Variants in ZNF66 observed in about 807,000 individuals in gnomAD.
ZNF66 encodes the protein zinc finger protein 66.
A neutral mutation model predicts 35.2 loss-of-function variants in ZNF66; 32 were observed. The observed-to-expected ratio is 0.91, with a 90% CI of 0.69 to 1.22. The LOEUF (loss-of-function observed/expected upper bound fraction) is 1.22, where lower values mean the gene tolerates loss of function less well. Among genes scored for constraint, ZNF66 ranks in the 50% most tolerant of loss-of-function variants. ZNF66 has a pLI of 0.00. For synonymous variants in ZNF66, 231 were observed against 181.3 expected, an observed-to-expected ratio of 1.27 and a Z score of -2.20; for missense variants, 666 against 543.1, an observed-to-expected ratio of 1.23 and a Z score of -2.25.
Position 20,806,834 on chromosome 19 carries a change from CT to C in ZNF66, c.1237del (p.Ser413LeufsTer33). 7.5e-7 allele frequency: 1 copy of C among 1,337,204 alleles called. No homozygotes were observed. Among genetic ancestry groups the C allele is most frequent in the Non-Finnish European group, 1.1e-6 (1 of 930,582 alleles). The allele number at this position is 1,337,204 out of a possible 1,614,324, so 82.8% of individuals were successfully genotyped here. A position where few individuals can be genotyped will look rare whatever the true frequency, so the allele number is the denominator to read the frequency against. ...CGKVFKHSSP[L>X]SKHKRIHTGE... ...CAAAGTGTTTAAGCACTCCTCTCCC[CT>C]TTCTAAACATAAGAGAATTCATACT... On this transcript the variant is annotated frameshift_variant, in exon 4 of 4. Coordinates refer to ENST00000344519, the MANE Select transcript of ZNF66 (RefSeq NM_001355197.2). LOFTEE classifies it high-confidence loss of function.
chr19:20,785,723 G>A (rs1971280968), intron 1 of ZNF66, among the ~76,000 whole-genome samples: 1 of 151,856 alleles, frequency 6.6e-6, no homozygotes, highest in Non-Finnish European at 1.5e-5. Context: ...GCTTCTCTGG[G>A]GCTGGAGAAA....
intron 3 of ZNF66, among the ~76,000 whole-genome samples, chr19:20,800,623 A>T (rs968665172): frequency 6.6e-6 from 1 of 152,194 alleles, no homozygotes; most frequent in African/African-American, 2.4e-5. Context: ...TCATTAAAAG[A>T]ACATGGCTTC....
At chr19:20,799,333 A>ATTACAGGCT (rs1321165167) in intron 3 of ZNF66, 3 of 151,942 alleles carry the variant, frequency 2.0e-5, no homozygotes, top group Non-Finnish European at 4.4e-5. Context: ...AAGTGCTAGG[A>ATTACAGGCT]TTACAGGCTT....
intron 1 of ZNF66, among the ~76,000 whole-genome samples, chr19:20,784,108 T>C (rs1177366087): frequency 6.6e-6 from 1 of 152,180 alleles, no homozygotes; most frequent in Non-Finnish European, 1.5e-5. Flanking sequence ...TCTACCCATC[T>C]CAGCCTCAAG....
chr19:20,788,781 G>A (rs1447254408), intron 1 of ZNF66, among the ~76,000 whole-genome samples: 3 of 152,090 alleles, frequency 2.0e-5, no homozygotes, highest in Admixed American at 6.6e-5. Flanking sequence ...GGCTGGGCAT[G>A]GTTGTTCATG....
At chr19:20,794,129 T>G in intron 3 of ZNF66, 1 of 561,454 alleles carries the variant, frequency 1.8e-6, no homozygotes, top group Non-Finnish European at 3.2e-6. Context: ...ACATTCACAG[T>G]GAGAGCCAAA....
chr19:20,785,135 C>G (rs1971276054), intron 1 of ZNF66: 1 of 152,236 alleles, frequency 6.6e-6, no homozygotes, highest in South Asian at 2.1e-4. Context: ...GCAGGCTCTC[C>G]TCCTGCAGCT....
In ZNF66 at chr19:20,809,769, G is replaced by A. The variant is rs531049748; in HGVS notation, c.*2447G>A. 6.6e-6 allele frequency among the ~76,000 whole-genome samples: 1 copy of A among 151,800 alleles called. No individual in the cohort carries two copies. The highest frequency in any genetic ancestry group is 2.4e-5 in the African/African-American group (1 of 41,338). On this transcript the variant is annotated 3_prime_UTR_variant, in exon 4 of 4. Transcript: ENST00000344519. ...CATCGAGACTAGGAAGAAACTGCAT[G>A]AACTAACGAGCAAAATAACCAGCTA...
intron 1 of ZNF66, among the ~76,000 whole-genome samples, chr19:20,778,432 AATAC>A (rs1396847591): frequency 6.6e-6 from 1 of 152,226 alleles, no homozygotes; most frequent in East Asian, 1.9e-4. Flanking sequence ...ATAATAAAAT[AATAC>A]ATACATTGTC....
rs536404306 is a variant in ZNF66 at position 20,792,517 on chromosome 19, A to G, written c.9A>G (p.Pro3=). The change falls in exon 2 of 4, where the codon CCA becomes CCG. Residue 3 remains proline (P), a synonymous_variant. Transcript: ENST00000344519. MG[P]LQFRDVAIEF... ...TGTGTGTGTATATTTTTCAGGGGCC[A>G]TTGCAATTTAGAGATGTGGCCATAG... is the stretch of plus-strand genomic sequence containing the variant. 64 of 1,525,974 alleles carry G rather than the reference A, an allele frequency of 4.2e-5. No homozygotes were observed. Among genetic ancestry groups the G allele is most frequent in the Middle Eastern group, 1.7e-4 (1 of 5,832 alleles). The allele number at this position is 1,525,974 out of a possible 1,614,324, so 94.5% of individuals were successfully genotyped here.
At chr19:20,783,817 G>A (rs1453540923) in intron 1 of ZNF66, among the ~76,000 whole-genome samples, 1 of 152,148 alleles carries the variant, frequency 6.6e-6, no homozygotes. Flanking sequence ...GCATAGTTAT[G>A]TTTAGTGTTT....
chr19:20,802,450 C>T lies in ZNF66; in HGVS notation c.227-3377C>T, dbSNP rs761550777. ...CACAGCCCAGTTTTCTGAACAAGTG[C>T]ATGCTCAAGAGTGTGTTTTCTCATT... On this transcript the variant is annotated intron_variant, in intron 3 of 3. Transcript: ENST00000344519. 3.3e-5 allele frequency among the ~76,000 whole-genome samples: 5 copies of T among 152,298 alleles called. No homozygotes were observed. In the South Asian group the frequency reaches 6.2e-4, roughly 19 times the overall value.
Position 20,807,683 on chromosome 19 carries a change from C to T in ZNF66, c.*361C>T, listed in dbSNP as rs1357414044. Among the ~76,000 whole-genome samples the T allele has an allele frequency of 1.3e-5, 2 of 151,856 alleles. No homozygotes were observed. The highest frequency in any genetic ancestry group is 2.9e-5 in the Non-Finnish European group (2 of 67,994). ...GAAACCTCTGCCTCCCGGGTTCAAG[C>T]CATTTTCCTGCCTCAGCTTGTCTAG... On this transcript the variant is annotated 3_prime_UTR_variant, in exon 4 of 4. Coordinates refer to ENST00000344519, the MANE Select transcript of ZNF66 (RefSeq NM_001355197.2).
intron 1 of ZNF66, among the ~76,000 whole-genome samples, chr19:20,785,360 C>T (rs1484211325): frequency 6.6e-6 from 1 of 152,212 alleles, no homozygotes; most frequent in Non-Finnish European, 1.5e-5. Context: ...AGAGAGAATC[C>T]TATTCAACCA....
At position 20,806,347 on chromosome 19, in the gene ZNF66, A is replaced by T; in HGVS notation, c.747A>T (p.Lys249Asn). The change falls in exon 4 of 4, where the codon AAA becomes AAT. Residue 249 changes from lysine to asparagine, a missense_variant. Lys to Asn is a moderately conservative substitution (Grantham distance 94). Transcript: ENST00000344519. ...NRSSNLTTHK[K>N]IHTGEKPYKC... The stretch of plus-strand genomic sequence containing the variant: ...CCTCTAACCTTACTACACATAAGAA[A>T]ATTCATACTGGAGAGAAACCCTACA... 1 of 1,560,668 alleles carries T rather than the reference A, an allele frequency of 6.4e-7. No homozygotes were observed. Among genetic ancestry groups the T allele is most frequent in the East Asian group, 2.2e-5 (1 of 44,602 alleles).
intron 1 of ZNF66, among the ~76,000 whole-genome samples, chr19:20,776,821 A>G (rs1172794559): frequency 6.6e-6 from 1 of 152,072 alleles, no homozygotes; most frequent in Non-Finnish European, 1.5e-5. Flanking sequence ...TTCTGCTATT[A>G]AAATTGTATG....
chr19:20,780,854 C>T (rs1971239134), intron 1 of ZNF66, among the ~76,000 whole-genome samples: 1 of 152,080 alleles, frequency 6.6e-6, no homozygotes, highest in Non-Finnish European at 1.5e-5. Context: ...TGATTACAGA[C>T]CCCCTTTTCC....
chr19:20,789,762 C>G (rs1971319302), intron 1 of ZNF66, among the ~76,000 whole-genome samples: 1 of 152,210 alleles, frequency 6.6e-6, no homozygotes, highest in East Asian at 1.9e-4. Context: ...CCCTTAGTAC[C>G]AGCTCCCAGG....
At chr19:20,781,131 C>T (rs945413738) in intron 1 of ZNF66, among the ~76,000 whole-genome samples, 6 of 152,186 alleles carry the variant, frequency 3.9e-5, no homozygotes, top group African/African-American at 1.4e-4. Flanking sequence ...TGCCTGCACA[C>T]AGTAATAAAT....
Sources: gnomAD v4.1 joint callset for allele counts (sites outside exome capture counted in the v4.1 genomes callset) on GRCh38, gnomAD v4.1.1 for gene constraint, MANE v1.5 for transcripts, NCBI Gene and HGNC (gene_info 2026-07-23, HGNC 2026-07-21) for gene names.